TNFAIP8: variants seen among roughly 807,000 people sequenced by gnomAD.
The protein encoded by TNFAIP8 is tumor necrosis factor alpha-induced protein 8.
Under a neutral mutation model 13.3 loss-of-function variants are expected in TNFAIP8, and 7 were observed. The observed-to-expected ratio is 0.52, with a 90% CI of 0.30 to 0.99. TNFAIP8 has a LOEUF of 0.99. TNFAIP8 is among the 50% of genes least tolerant of loss of function. TNFAIP8 has a pLI of 0.07. For missense variants in TNFAIP8, 258 were observed against 236.9 expected (o/e 1.09, Z -0.58); for synonymous variants, 94 against 87.6 (o/e 1.07, Z -0.41).
Position 119,396,509 on chromosome 5 carries a change from T to C in TNFAIP8, c.*3128T>C, listed in dbSNP as rs887394893. ...GTTCAGAGCATGACAAGGCACTCAA[T>C]GTGCATTCACCAAGAGAAGCAAGGA... On this transcript the variant is annotated 3_prime_UTR_variant, in exon 2 of 2. Transcript: ENST00000504771. The C allele has an allele frequency of 6.6e-6, 1 of 152,198 alleles. No homozygotes were observed. Among genetic ancestry groups the C allele is most frequent in the African/African-American group, 2.4e-5 (1 of 41,440 alleles). 9.4% of individuals were successfully genotyped at this position (152,198 alleles called of 1,614,324 possible).
At chr5:119,309,618 C>T (rs998005053) in intron 1 of TNFAIP8, among the ~76,000 whole-genome samples, 2 of 152,110 alleles carry the variant, frequency 1.3e-5, no homozygotes, top group East Asian at 1.9e-4. Context: ...TAGTTCTGCA[C>T]GTGATCGAAG....
chr5:119,356,237 C>A (rs1349951307), intron 1 of TNFAIP8, 116 bp downstream of exon 1: 1 of 957,870 alleles, frequency 1.0e-6, no homozygotes, highest in Non-Finnish European at 1.5e-6. Context: ...TGTCCGCTTG[C>A]CCTGCGCCTT....
rs1753069940 is a variant in TNFAIP8, at chr5:119,396,270, G to C, written c.*2889G>C. ...TAGTGACATTTTAGGCAGTACCTAAGTCAGCACAGGTCTGGCCTGTTCTCT... is the reference window on the plus strand; with the variant it reads ...TAGTGACATTTTAGGCAGTACCTAACTCAGCACAGGTCTGGCCTGTTCTCT... On this transcript the variant is annotated 3_prime_UTR_variant, in exon 2 of 2. Transcript: ENST00000504771. 1 of 152,226 alleles carries C rather than the reference G, an allele frequency of 6.6e-6. No individual in the cohort carries two copies. The highest frequency in any genetic ancestry group is 6.5e-5 in the Admixed American group (1 of 15,278). 9.4% of individuals were successfully genotyped at this position (152,226 alleles called of 1,614,324 possible).
intron 1 of TNFAIP8, 44 bp from the exon 2 acceptor site, chr5:119,392,772 A>G (rs1752940653): frequency 1.3e-6 from 2 of 1,482,970 alleles, no homozygotes; most frequent in Non-Finnish European, 8.9e-7. Flanking sequence ...ACTTGCTGAT[A>G]TTTACTAATT....
At chr5:119,291,263 G>A (rs1748978222) in intron 1 of TNFAIP8, among the ~76,000 whole-genome samples, 1 of 152,216 alleles carries the variant, frequency 6.6e-6, no homozygotes, top group African/African-American at 2.4e-5. Context: ...TTCCCCTGCT[G>A]TATCTAGCAC....
intron 1 of TNFAIP8, among the ~76,000 whole-genome samples, chr5:119,285,458 T>C (rs1476653822): frequency 6.6e-6 from 1 of 152,144 alleles, no homozygotes; most frequent in Non-Finnish European, 1.5e-5. Flanking sequence ...CAAGTGGCTT[T>C]GGGTGGGAAG....
chr5:119,289,974 CA>C (rs1294321168), intron 1 of TNFAIP8, among the ~76,000 whole-genome samples: 1 of 152,222 alleles, frequency 6.6e-6, no homozygotes, highest in African/African-American at 2.4e-5. Flanking sequence ...CCAACGATTT[CA>C]TTAAGTTTAA....
intron 1 of TNFAIP8, among the ~76,000 whole-genome samples, chr5:119,388,637 T>C (rs1233635736): frequency 6.6e-6 from 1 of 151,870 alleles, no homozygotes; most frequent in African/African-American, 2.4e-5. Flanking sequence ...TTTTTTTTCT[T>C]TTCTTTTCTT....
chr5:119,349,032 T>C (rs1006738644), intron 1 of TNFAIP8, among the ~76,000 whole-genome samples: 28 of 152,342 alleles, frequency 1.8e-4, no homozygotes, highest in African/African-American at 6.3e-4. Context: ...GATGTCGTGC[T>C]GTCCTGGCCA....
rs1753034639 is a variant in TNFAIP8, at chr5:119,394,762, A to AG, written c.*1381_*1382insG. ...GCTGGGATTACAGGCATGCACCACC[A>AG]CACCCAGCTAATTTTTGTATTTTTA... On this transcript the variant is annotated 3_prime_UTR_variant, in exon 2 of 2. Coordinates refer to ENST00000504771, the MANE Select transcript of TNFAIP8 (RefSeq NM_014350.4). The AG allele has an allele frequency of 2.0e-5, 3 of 152,008 alleles. No individual in the cohort carries two copies. The highest frequency in any genetic ancestry group is 7.3e-5 in the African/African-American group (3 of 41,354). 9.4% of individuals were successfully genotyped at this position (152,008 alleles called of 1,614,324 possible).
chr5:119,325,561 C>T (rs1750198614), intron 1 of TNFAIP8, among the ~76,000 whole-genome samples: 1 of 152,260 alleles, frequency 6.6e-6, no homozygotes, highest in Non-Finnish European at 1.5e-5. Flanking sequence ...CATTCTCCTG[C>T]CTCAGCCTCC....
intron 1 of TNFAIP8, among the ~76,000 whole-genome samples, chr5:119,341,800 T>A (rs1562008519): frequency 6.6e-6 from 1 of 152,150 alleles, no homozygotes; most frequent in Admixed American, 6.5e-5. Flanking sequence ...TTACATCATT[T>A]AAAAAAATTT....
intron 1 of TNFAIP8, among the ~76,000 whole-genome samples, chr5:119,301,100 C>G (rs116482778): frequency 3.3e-5 from 5 of 152,174 alleles, no homozygotes; most frequent in African/African-American, 1.2e-4. Flanking sequence ...TCCCAGCTTC[C>G]GGTCCATTCC....
chr5:119,296,131 C>A, intron 1 of TNFAIP8, among the ~76,000 whole-genome samples: 5 of 148,770 alleles, frequency 3.4e-5, no homozygotes, highest in African/African-American at 1.3e-4. Context: ...CTTCTCCTGC[C>A]TAATTGCCCT....
chr5:119,378,167 G>C (rs1562029200), intron 1 of TNFAIP8, among the ~76,000 whole-genome samples: 1 of 152,184 alleles, frequency 6.6e-6, no homozygotes, highest in Non-Finnish European at 1.5e-5. Context: ...ATGATATCCA[G>C]GTTACAACTT....
chr5:119,331,752 C>A (rs544834627), intron 1 of TNFAIP8, among the ~76,000 whole-genome samples: 3 of 152,300 alleles, frequency 2.0e-5, no homozygotes, highest in Non-Finnish European at 2.9e-5. Context: ...GCCCCATCCT[C>A]CCCTAGCAGA....
intron 1 of TNFAIP8, among the ~76,000 whole-genome samples, chr5:119,281,221 C>T (rs1748614979): frequency 6.6e-6 from 1 of 151,116 alleles, no homozygotes; most frequent in Admixed American, 6.6e-5. Context: ...GCTGGGAATC[C>T]TCATTCACTG....
chr5:119,309,179 G>A (rs1749656550), intron 1 of TNFAIP8, among the ~76,000 whole-genome samples: 1 of 152,088 alleles, frequency 6.6e-6, no homozygotes, highest in Non-Finnish European at 1.5e-5. Context: ...AACATGCATT[G>A]GTATTCTACT....
intron 1 of TNFAIP8, among the ~76,000 whole-genome samples, chr5:119,290,915 G>T (rs1242065245): frequency 6.6e-6 from 1 of 152,160 alleles, no homozygotes; most frequent in African/African-American, 2.4e-5. Flanking sequence ...AGGTAGGAAG[G>T]GGTCAGGGCC....
Sources: gnomAD v4.1 joint callset for allele counts (sites outside exome capture counted in the v4.1 genomes callset) on GRCh38, gnomAD v4.1.1 for gene constraint, MANE v1.5 for transcripts, NCBI Gene and HGNC (gene_info 2026-07-23, HGNC 2026-07-21) for gene names.